Variants in PPFIBP1 observed in about 807,000 individuals in gnomAD.
PPFIBP1 encodes PPFIB scaffold protein 1.
Under a neutral mutation model 137.8 loss-of-function variants are expected in PPFIBP1, and 112 were observed. The ratio of observed to expected loss-of-function variants is 0.81; its 90% CI spans 0.70 to 0.95. The LOEUF is 0.95. Ranked by LOEUF, PPFIBP1 falls within the 40% of genes least tolerant of loss-of-function variation. The pLI is 0.00. For missense variants in PPFIBP1, 1,083 were observed against 1,196.6 expected (o/e 0.91, Z 1.40); for synonymous variants, 378 against 417.3 (o/e 0.91, Z 1.15).
intron 2 of PPFIBP1, among the ~76,000 whole-genome samples, chr12:27,584,668 T>C (rs913043135): frequency 6.6e-6 from 1 of 152,248 alleles, no homozygotes; most frequent in Non-Finnish European, 1.5e-5. Context: ...TGTAAGCTGG[T>C]ATAGCCAGAC....
At chr12:27,664,217 C>A (rs867708440) in intron 11 of PPFIBP1, 145 bp from the exon 12 acceptor site, 5 of 604,286 alleles carry the variant, frequency 8.3e-6, no homozygotes, top group South Asian at 2.1e-5. Context: ...TAATTCACAT[C>A]TGCTTATTCT....
At chr12:27,680,413 A>G (rs1388925188) in intron 21 of PPFIBP1, among the ~76,000 whole-genome samples, 3 of 152,188 alleles carry the variant, frequency 2.0e-5, no homozygotes, top group African/African-American at 7.2e-5. Context: ...GAATCAGACC[A>G]CTTGGATTTG....
intron 1 of PPFIBP1, among the ~76,000 whole-genome samples, chr12:27,573,162 A>T (rs1189593456): frequency 6.6e-6 from 1 of 152,250 alleles, no homozygotes; most frequent in East Asian, 1.9e-4. Flanking sequence ...AATGCCAAGC[A>T]TCTATTTGAA....
chr12:27,672,612 G>T, intron 15 of PPFIBP1, 129 bp downstream of exon 15: 1 of 711,512 alleles, frequency 1.4e-6, no homozygotes, highest in Admixed American at 2.8e-5. Flanking sequence ...AATCAATGTA[G>T]CTATAATAAT....
At chr12:27,656,492 T>A in intron 8 of PPFIBP1, 124 bp from the exon 9 acceptor site, 1 of 667,914 alleles carries the variant, frequency 1.5e-6, no homozygotes, top group South Asian at 1.7e-5. Context: ...GATGCTTGCA[T>A]CTAAATTCTA....
At chr12:27,602,387 A>C (rs917685398) in intron 2 of PPFIBP1, among the ~76,000 whole-genome samples, 1 of 152,240 alleles carries the variant, frequency 6.6e-6, no homozygotes, top group Non-Finnish European at 1.5e-5. Context: ...CAAGTTTATT[A>C]ACACATATTA....
Position 27,677,085 on chromosome 12 carries a change from C to T in PPFIBP1, c.1604C>T (p.Ala535Val). The part of the protein sequence containing the change: ...PNLDRKRSAS[A>V]PTLAETEKET... ...GAAGATCGTAAACGAAGTGCCAGTG[C>T]ACCCACCCTAGGTATTGTACCCCTG... The change falls in exon 19 of 30, where the codon GCA (alanine) becomes GTA (valine). Residue 535 changes from alanine to valine, a missense_variant. Physicochemically the swap from Ala to Val is moderately conservative, Grantham distance 64. Coordinates refer to ENST00000228425, the MANE Select transcript of PPFIBP1 (RefSeq NM_003622.4). The T allele has an allele frequency of 3.1e-6, 5 of 1,614,184 alleles. No individual in the cohort carries two copies. Among genetic ancestry groups the T allele is most frequent in the Non-Finnish European group, 4.2e-6 (5 of 1,180,026 alleles).
chr12:27,694,284 A>G lies in PPFIBP1; in HGVS notation c.*1402A>G, dbSNP rs139994391. On this transcript the variant is annotated 3_prime_UTR_variant, in exon 30 of 30. Transcript: ENST00000228425. ...CCACCTCAGCCTTTCAAAGTGCTGG[A>G]ATTACAGGTGTGAGCCACTCTGCCT... 12,969 of 152,142 alleles carry G rather than the reference A, an allele frequency of 0.085. 1,830 individuals are homozygous for G. Among genetic ancestry groups the G allele is most frequent in the African/African-American group, 0.3 (12,281 of 41,442 alleles). The allele number at this position is 152,142 out of a possible 1,614,324, so 9.4% of individuals were successfully genotyped here.
At chr12:27,672,019 C>T (rs2060229928) in intron 14 of PPFIBP1, among the ~76,000 whole-genome samples, 1 of 151,708 alleles carries the variant, frequency 6.6e-6, no homozygotes, top group South Asian at 2.1e-4. Flanking sequence ...TGAAGTGAGC[C>T]GAGATCACAT....
At chr12:27,624,010 G>C (rs1021937074) in intron 2 of PPFIBP1, among the ~76,000 whole-genome samples, 1 of 152,080 alleles carries the variant, frequency 6.6e-6, no homozygotes, top group Non-Finnish European at 1.5e-5. Flanking sequence ...TGGAGGTGGC[G>C]GTCAGGCTGG....
intron 21 of PPFIBP1, among the ~76,000 whole-genome samples, chr12:27,681,099 C>T (rs1291395137): frequency 6.6e-6 from 1 of 152,116 alleles, no homozygotes; most frequent in African/African-American, 2.4e-5. Flanking sequence ...TTGATTGTTT[C>T]CTACACTCAG....
intron 6 of PPFIBP1, among the ~76,000 whole-genome samples, chr12:27,648,608 T>G (rs1375465375): frequency 6.6e-6 from 1 of 152,154 alleles, no homozygotes; most frequent in Non-Finnish European, 1.5e-5. Flanking sequence ...TAAATGTCCA[T>G]CAACAAATGA....
intron 25 of PPFIBP1, 186 bp from the exon 26 acceptor site, chr12:27,688,112 A>G: frequency 1.5e-6 from 1 of 658,744 alleles, no homozygotes; most frequent in Non-Finnish European, 2.5e-6. Flanking sequence ...TTCCTTTCCT[A>G]AAGCAATGCT....
intron 1 of PPFIBP1, among the ~76,000 whole-genome samples, chr12:27,564,699 CAGA>C (rs2049488382): frequency 6.6e-6 from 1 of 152,158 alleles, no homozygotes; most frequent in Non-Finnish European, 1.5e-5. Flanking sequence ...GAGTTCCTGC[CAGA>C]AGAATTCCAG....
chr12:27,646,267 A>G (rs142914624), intron 5 of PPFIBP1, 119 bp downstream of exon 5: 1 of 786,486 alleles, frequency 1.3e-6, no homozygotes, highest in Non-Finnish European at 2.2e-6. Flanking sequence ...AAGCCTGATA[A>G]GCCATCTGTA....
intron 2 of PPFIBP1, among the ~76,000 whole-genome samples, chr12:27,582,462 A>G (rs2051236708): frequency 6.6e-6 from 1 of 152,218 alleles, no homozygotes; most frequent in Non-Finnish European, 1.5e-5. Context: ...CCGTCGTTTC[A>G]GTGAGCCATG....
chr12:27,644,923 TC>T lies in PPFIBP1; in HGVS notation c.271-1138del, dbSNP rs559461154. Among the ~76,000 whole-genome samples the T allele has an allele frequency of 1.8e-3, 266 of 151,770 alleles. 1 individual carries two copies. The highest frequency in any genetic ancestry group is 5.2e-3 in the African/African-American group (217 of 41,358). Reference sequence around the variant, plus strand: ...CTTTTCATTCAAGCCCTGTTTTTTTTCTTCCCCCTTCCCAGCACATGACTTT... The same window carrying T: ...CTTTTCATTCAAGCCCTGTTTTTTTTTTCCCCCTTCCCAGCACATGACTTT... On this transcript the variant is annotated intron_variant, in intron 4 of 29. Coordinates refer to ENST00000228425, the MANE Select transcript of PPFIBP1 (RefSeq NM_003622.4).
intron 1 of PPFIBP1, among the ~76,000 whole-genome samples, chr12:27,543,860 A>C (rs1173683764): frequency 6.2e-4 from 76 of 123,034 alleles, no homozygotes; most frequent in South Asian, 1.1e-3. Flanking sequence ...TTTTTTTCCC[A>C]GCCCCCCACC....
chr12:27,592,371 T>C (rs1292068235), intron 2 of PPFIBP1: 7 of 571,204 alleles, frequency 1.2e-5, no homozygotes, highest in African/African-American at 5.7e-5. Context: ...ATTTTGTTTA[T>C]TGAGGAAAAA....
Sources: gnomAD v4.1 joint callset for allele counts (sites outside exome capture counted in the v4.1 genomes callset) on GRCh38, gnomAD v4.1.1 for gene constraint, MANE v1.5 for transcripts, NCBI Gene and HGNC (gene_info 2026-07-23, HGNC 2026-07-21) for gene names.